Variants in TUSC3 observed in about 807,000 individuals in gnomAD.
TUSC3 encodes the protein dolichyl-diphosphooligosaccharide--protein glycosyltransferase subunit TUSC3.
A neutral mutation model predicts 44.8 loss-of-function variants in TUSC3; 45 were observed. That is an observed-to-expected ratio of 1.00 (90% CI 0.79 to 1.29). The LOEUF (loss-of-function observed/expected upper bound fraction) is 1.29. Among genes scored for constraint, TUSC3 ranks in the 50% most tolerant of loss-of-function variants. The probability of loss-of-function intolerance (pLI) is 0.00; values close to 1 mark genes in which losing one functional copy is unlikely to be tolerated. For synonymous variants in TUSC3, 212 were observed against 152.9 expected, an observed-to-expected ratio of 1.39 and a Z score of -2.85; for missense variants, 519 against 437.9, an observed-to-expected ratio of 1.19 and a Z score of -1.65.
intron 1 of TUSC3, among the ~76,000 whole-genome samples, chr8:15,462,422 A>T (rs1800357803): frequency 6.6e-6 from 1 of 152,048 alleles, no homozygotes; most frequent in Admixed American, 6.6e-5. Context: ...AGATAGGTAA[A>T]CTGACACTCA....
At chr8:15,710,156 T>G (rs1809784164) in intron 6 of TUSC3, among the ~76,000 whole-genome samples, 1 of 151,810 alleles carries the variant, frequency 6.6e-6, no homozygotes, top group Non-Finnish European at 1.5e-5. Flanking sequence ...CTTTAGGTTT[T>G]GTCTGGAGGC....
At chr8:15,707,544 G>T (rs560378938) in intron 6 of TUSC3, among the ~76,000 whole-genome samples, 44 of 152,070 alleles carry the variant, frequency 2.9e-4, no homozygotes, top group Non-Finnish European at 5.4e-4. Flanking sequence ...GCCTGTAGGG[G>T]AAATGATATG....
intron 1 of TUSC3, among the ~76,000 whole-genome samples, chr8:15,622,168 C>G (rs953377285): frequency 6.6e-6 from 1 of 152,126 alleles, no homozygotes; most frequent in Non-Finnish European, 1.5e-5. Context: ...ACCGCTTATA[C>G]TTGCTTGGTT....
chr8:15,545,054 A>G (rs748907799), intron 1 of TUSC3, among the ~76,000 whole-genome samples: 2 of 151,898 alleles, frequency 1.3e-5, no homozygotes, highest in Admixed American at 1.3e-4. Flanking sequence ...ACATGTATAC[A>G]TAATACCTAA....
intron 1 of TUSC3, among the ~76,000 whole-genome samples, chr8:15,420,664 C>T (rs146338712): frequency 7.1e-4 from 108 of 152,094 alleles, no homozygotes; most frequent in African/African-American, 2.6e-3. Context: ...TCTCTCAAAC[C>T]ATCTTTAATC....
chr8:15,608,126 C>G (rs142839534), intron 1 of TUSC3, among the ~76,000 whole-genome samples: 213 of 152,202 alleles, frequency 1.4e-3, no homozygotes, highest in African/African-American at 4.2e-3. Flanking sequence ...TCACATTTGG[C>G]TTTTACCATA....
chr8:15,536,062 C>G (rs1316315148), upstream of TUSC3, among the ~76,000 whole-genome samples: 1 of 152,182 alleles, frequency 6.6e-6, no homozygotes, highest in African/African-American at 2.4e-5. Context: ...GCCCACAACA[C>G]TTCTCCTTCC....
intron 7 of TUSC3, among the ~76,000 whole-genome samples, chr8:15,743,174 A>G (rs1271188922): frequency 6.6e-6 from 1 of 152,248 alleles, no homozygotes; most frequent in Non-Finnish European, 1.5e-5. Context: ...TATGAAAATG[A>G]AATGTGTCAA....
chr8:15,843,621 T>TATATATATATATATACAC, the TUSC3 span, among the ~76,000 whole-genome samples: 103 of 146,750 alleles, frequency 7.0e-4, 2 homozygotes, highest in African/African-American at 2.6e-3. Flanking sequence ...TATATATATA[T>TATATATATATATATACAC]ACACGCACAT....
At chr8:15,809,845 C>G in the TUSC3 span, among the ~76,000 whole-genome samples, 18,873 of 152,158 alleles carry the variant, frequency 0.12, 1,206 homozygotes, top group East Asian at 0.17. Context: ...CAGACTTCTC[C>G]TTGCCTTAAG....
chr8:15,842,418 T>C, the TUSC3 span, among the ~76,000 whole-genome samples: 5 of 152,330 alleles, frequency 3.3e-5, no homozygotes, highest in East Asian at 5.8e-4. Context: ...GTACCTGGAA[T>C]GTAATAAAGC....
At chr8:15,431,313 A>G (rs930492882) in intron 1 of TUSC3, among the ~76,000 whole-genome samples, 6 of 150,782 alleles carry the variant, frequency 4.0e-5, no homozygotes, top group African/African-American at 7.4e-5. Flanking sequence ...TATTCTTCCA[A>G]TCCATGAACA....
the TUSC3 span, among the ~76,000 whole-genome samples, chr8:15,849,338 C>T: frequency 6.6e-6 from 1 of 152,108 alleles, no homozygotes; most frequent in Non-Finnish European, 1.5e-5. Flanking sequence ...ACATTTACTT[C>T]CCAGTGGGGA....
chr8:15,484,548 A>T (rs1352854241), intron 2 of TUSC3, among the ~76,000 whole-genome samples: 1 of 152,232 alleles, frequency 6.6e-6, no homozygotes, highest in African/African-American at 2.4e-5. Context: ...ATTATCCAAC[A>T]TGTCTATCTC....
chr8:15,826,708 T>A, the TUSC3 span, among the ~76,000 whole-genome samples: 109 of 152,090 alleles, frequency 7.2e-4, no homozygotes, highest in Non-Finnish European at 1.2e-3. Context: ...ATCACCTGCA[T>A]AGAACAGAGA....
chr8:15,531,904 C>G (rs918697701), intron 2 of TUSC3, among the ~76,000 whole-genome samples: 9 of 151,920 alleles, frequency 5.9e-5, no homozygotes, highest in African/African-American at 2.2e-4. Flanking sequence ...TAGTTACCAT[C>G]AAAGAAAAAG....
the TUSC3 span, among the ~76,000 whole-genome samples, chr8:15,778,325 A>C: frequency 6.6e-6 from 1 of 152,170 alleles, no homozygotes; most frequent in African/African-American, 2.4e-5. Context: ...TCCCAATTAC[A>C]GTTTACTTTT....
At chr8:15,652,800 G>C (rs1806973087) in intron 3 of TUSC3, among the ~76,000 whole-genome samples, 1 of 152,098 alleles carries the variant, frequency 6.6e-6, no homozygotes, top group African/African-American at 2.4e-5. Flanking sequence ...GATCCAACAA[G>C]ACTGCTAGAG....
In TUSC3 at chr8:15,532,745, G is replaced by A. The variant is rs536660468; in HGVS notation, n.189+49262G>A. 7.9e-5 allele frequency among the ~76,000 whole-genome samples: 12 copies of A among 152,232 alleles called. No individual in the cohort carries two copies. The South Asian group carries it at 1.5e-3, about 18-fold the overall frequency. On this transcript the variant is annotated intron_variant and non_coding_transcript_variant, in intron 2 of 5. Transcript: ENST00000503191. ...ACCCAGTGGGAGAAAACTGATTCACGGGGGCAGGTCTTTCCTGTGCTGTTC... is the reference window on the plus strand; with the variant it reads ...ACCCAGTGGGAGAAAACTGATTCACAGGGGCAGGTCTTTCCTGTGCTGTTC...
Sources: gnomAD v4.1 joint callset for allele counts (sites outside exome capture counted in the v4.1 genomes callset) on GRCh38, gnomAD v4.1.1 for gene constraint, MANE v1.5 for transcripts, NCBI Gene and HGNC (gene_info 2026-07-23, HGNC 2026-07-21) for gene names.